Variants in SYNRG observed in about 807,000 individuals in gnomAD.
The protein encoded by SYNRG is synergin gamma.
In SYNRG, 37 loss-of-function variants were observed where a neutral mutation model predicts 130.9. That is an observed-to-expected ratio of 0.28 (90% CI 0.22 to 0.37). SYNRG has a LOEUF of 0.37. SYNRG is among the 10% of genes least tolerant of loss of function. The pLI, the probability that SYNRG is intolerant of heterozygous loss-of-function variation, is 1.00. For missense variants in SYNRG, 1,338 were observed against 1,588.9 expected, an observed-to-expected ratio of 0.84 and a Z score of 2.68; for synonymous variants, 539 against 568.1, an observed-to-expected ratio of 0.95 and a Z score of 0.73.
intron 3 of SYNRG, among the ~76,000 whole-genome samples, chr17:37,591,960 A>G (rs1335682874): frequency 6.6e-6 from 1 of 152,224 alleles, no homozygotes; most frequent in African/African-American, 2.4e-5. Flanking sequence ...ATTAAATTTC[A>G]TCGAAATTGA....
intron 6 of SYNRG, among the ~76,000 whole-genome samples, chr17:37,584,024 G>A (rs2061521168): frequency 1.3e-5 from 2 of 152,132 alleles, no homozygotes; most frequent in South Asian, 4.1e-4. Flanking sequence ...AAAATAATGT[G>A]GTAACAATTA....
At chr17:37,543,896 A>G (rs555172533) in intron 14 of SYNRG, among the ~76,000 whole-genome samples, 81 of 152,378 alleles carry the variant, frequency 5.3e-4, no homozygotes, top group African/African-American at 1.9e-3. Flanking sequence ...ATGAGGCAAG[A>G]AGGCCAAATA....
chr17:37,540,815 AGTAGAT>A (rs66574616), intron 15 of SYNRG: 159,052 of 833,702 alleles, frequency 0.19, 15,092 homozygotes, highest in Admixed American at 0.3. Context: ...TTGTATTTTT[AGTAGAT>A]ACACGGTTTC....
In SYNRG at chr17:37,581,428, T is replaced by C. The variant is rs147335878; in HGVS notation, c.589+3220A>G. Among the ~76,000 whole-genome samples the C allele has an allele frequency of 7.1e-3, 1,059 of 148,400 alleles. 10 individuals carry two copies. The highest frequency in any genetic ancestry group is 0.02 in the Middle Eastern group (5 of 256). On this transcript the variant is annotated intron_variant, in intron 6 of 21. Transcript: ENST00000612223. ...AAGTAGCTGGGACTACAGGTGCCCA[T>C]CACCACGCCCGGCTAATTTTTGTAT...
At chr17:37,581,994 C>T (rs772454745) in intron 6 of SYNRG, among the ~76,000 whole-genome samples, 24 of 152,166 alleles carry the variant, frequency 1.6e-4, no homozygotes, top group Non-Finnish European at 2.6e-4. Flanking sequence ...AACTCCCGAC[C>T]TCAGGTGATC....
intron 11 of SYNRG, among the ~76,000 whole-genome samples, chr17:37,566,193 G>A (rs1185300909): frequency 2.0e-5 from 3 of 152,234 alleles, no homozygotes; most frequent in South Asian, 2.1e-4. Context: ...GGAATAGAAA[G>A]GCGGGAAAGG....
At chr17:37,602,520 AC>A (rs2063380890) in intron 1 of SYNRG, among the ~76,000 whole-genome samples, 1 of 152,208 alleles carries the variant, frequency 6.6e-6, no homozygotes, top group Non-Finnish European at 1.5e-5. Flanking sequence ...CCACATTTCA[AC>A]AAGGAAGTAG....
At chr17:37,570,959 G>C (rs1185362092) in intron 9 of SYNRG, 74 bp from the exon 10 acceptor site, 2 of 1,503,548 alleles carry the variant, frequency 1.3e-6, no homozygotes, top group East Asian at 4.6e-5. Context: ...GAGACCGAAA[G>C]GTAAAAAAAT....
chr17:37,538,235 TGA>T, intron 18 of SYNRG, 87 bp downstream of exon 18: 1 of 958,684 alleles, frequency 1.0e-6, no homozygotes. Flanking sequence ...ATATGTAACT[TGA>T]GAGATCTAGC....
At chr17:37,607,955 C>CA (rs67822733) in intron 1 of SYNRG, among the ~76,000 whole-genome samples, 1,460 of 50,944 alleles carry the variant, frequency 0.029, 75 homozygotes, top group Middle Eastern at 0.066. Flanking sequence ...GACTTCCTCT[C>CA]AAAAAAAAAA....
At chr17:37,533,369 C>T (rs887003042) in intron 19 of SYNRG, among the ~76,000 whole-genome samples, 11 of 151,478 alleles carry the variant, frequency 7.3e-5, no homozygotes, top group Admixed American at 7.2e-4. Context: ...CCACTTCCCT[C>T]CAGCCTGGGT....
At chr17:37,568,713 C>A in intron 11 of SYNRG, 78 bp downstream of exon 11, 1 of 1,497,084 alleles carries the variant, frequency 6.7e-7, no homozygotes. Context: ...TTAAATTTCT[C>A]ACACCTAGCC....
At chr17:37,548,725 GGA>G (rs1273746725) in intron 14 of SYNRG, among the ~76,000 whole-genome samples, 2 of 152,010 alleles carry the variant, frequency 1.3e-5, no homozygotes, top group South Asian at 4.2e-4. Context: ...GGCTGAGGCA[GGA>G]GAGTCACTTG....
At chr17:37,520,143 A>T in intron 21 of SYNRG, 36 bp downstream of exon 21, 1 of 1,613,230 alleles carries the variant, frequency 6.2e-7, no homozygotes. Context: ...CAAAATTAAA[A>T]TGGAGACGCT....
Position 37,576,441 on chromosome 17 carries a change from G to T in SYNRG, c.824-23C>A, listed in dbSNP as rs932632690. ...CACCTAGAAGGTAAGAAACATTAAT[G>T]TATATAGTGGTCCATGGAGAAGATG... On this transcript the variant is annotated intron_variant, in intron 7 of 21. Coordinates refer to ENST00000612223, the MANE Select transcript of SYNRG (RefSeq NM_007247.6). The T allele has an allele frequency of 1.9e-6, 3 of 1,601,434 alleles. No homozygotes were observed. In the African/African-American group the frequency reaches 4.0e-5, roughly 21 times the overall value.
At chr17:37,536,375 C>G (rs2057195852) in intron 18 of SYNRG, 1 of 494,930 alleles carries the variant, frequency 2.0e-6, no homozygotes, top group Non-Finnish European at 3.5e-6. Context: ...TGACCTTAGG[C>G]AAGTCACATA....
At chr17:37,539,071 C>T in intron 17 of SYNRG, 121 bp downstream of exon 17, 1 of 1,509,222 alleles carries the variant, frequency 6.6e-7, no homozygotes, top group Non-Finnish European at 8.8e-7. Flanking sequence ...TTACTCTTTG[C>T]CCAGGGACAT....
At chr17:37,582,721 C>T (rs1038200906) in intron 6 of SYNRG, among the ~76,000 whole-genome samples, 2 of 151,858 alleles carry the variant, frequency 1.3e-5, no homozygotes, top group Non-Finnish European at 2.9e-5. Flanking sequence ...ATTAGCTAGG[C>T]GTGGTGGTGC....
chr17:37,538,995 A>C, intron 17 of SYNRG, 197 bp downstream of exon 17: 6 of 958,772 alleles, frequency 6.3e-6, no homozygotes, highest in Non-Finnish European at 7.4e-6. Context: ...GATGACTGAC[A>C]CATGAGCCGG....
Sources: gnomAD v4.1 joint callset for allele counts (sites outside exome capture counted in the v4.1 genomes callset) on GRCh38, gnomAD v4.1.1 for gene constraint, MANE v1.5 for transcripts, NCBI Gene and HGNC (gene_info 2026-07-23, HGNC 2026-07-21) for gene names.